The following CNDP1 variants were observed in gnomAD, a reference collection of about 807,000 sequenced individuals.
CNDP1 encodes the protein beta-Ala-His dipeptidase.
CNDP1 carries 44 observed loss-of-function variants against 58.1 expected under a neutral mutation model. The observed-to-expected ratio is 0.76, with a 90% CI of 0.60 to 0.97. The LOEUF (loss-of-function observed/expected upper bound fraction) is 0.97. Ranked by LOEUF, CNDP1 falls within the 50% of genes least tolerant of loss-of-function variation. The pLI, the probability that CNDP1 is intolerant of heterozygous loss-of-function variation, is 0.00. For missense variants in CNDP1, 616 were observed against 655.1 expected (o/e 0.94, Z 0.65); for synonymous variants, 254 against 252.6 (o/e 1.01, Z -0.05).
At chr18:74,571,799 C>T (rs1237705891) in intron 7 of CNDP1, among the ~76,000 whole-genome samples, 2 of 152,190 alleles carry the variant, frequency 1.3e-5, no homozygotes, top group South Asian at 2.1e-4. Flanking sequence ...CTGGCCCTTC[C>T]GCAGACCAGC....
intron 5 of CNDP1, among the ~76,000 whole-genome samples, chr18:74,564,682 T>C (rs1054292120): frequency 3.3e-5 from 5 of 152,222 alleles, no homozygotes; most frequent in Non-Finnish European, 7.3e-5. Context: ...CTCTGTAGTA[T>C]AGAATTTGCT....
At chr18:74,576,804 C>T (rs1981646451) in intron 7 of CNDP1, 65 bp from the exon 8 acceptor site, 3 of 1,482,396 alleles carry the variant, frequency 2.0e-6, no homozygotes, top group African/African-American at 1.4e-5. Flanking sequence ...CACAGTCTGG[C>T]TCCAGGACCA....
At chr18:74,556,311 C>A in intron 1 of CNDP1, 27 bp from the exon 2 acceptor site, 1 of 1,602,020 alleles carries the variant, frequency 6.2e-7, no homozygotes, top group South Asian at 1.1e-5. Context: ...GATTTTCATT[C>A]GTTCCTCCCA....
In CNDP1 at chr18:74,547,653, A is replaced by G. The variant is rs141331842; in HGVS notation, c.25-8685A>G. On this transcript the variant is annotated intron_variant, in intron 1 of 11. Transcript: ENST00000358821. Reference sequence around the variant, plus strand: ...GGCATGCAACTCTCCAGTTGTTAGCAAGAGCTAGGAGGGAGGTGGAGGCGA... The same window carrying G: ...GGCATGCAACTCTCCAGTTGTTAGCGAGAGCTAGGAGGGAGGTGGAGGCGA... Among the ~76,000 whole-genome samples, 1,476 of 152,290 alleles carry G rather than the reference A, an allele frequency of 9.7e-3. 21 individuals carry two copies. Among genetic ancestry groups the G allele is most frequent in the African/African-American group, 0.031 (1,308 of 41,532 alleles).
intron 9 of CNDP1, among the ~76,000 whole-genome samples, chr18:74,579,160 T>TG (rs1318605804): frequency 3.4e-4 from 48 of 139,680 alleles, no homozygotes; most frequent in Middle Eastern, 7.2e-3. Context: ...CCCTCTCTCC[T>TG]CCCTCTCTCC....
At chr18:74,539,192 C>G (rs200182511) in intron 1 of CNDP1, among the ~76,000 whole-genome samples, 1 of 134,496 alleles carries the variant, frequency 7.4e-6, no homozygotes, top group Non-Finnish European at 1.6e-5. Context: ...AAAAAAAAAG[C>G]CTTCCCTATC....
At chr18:74,578,349 A>G in intron 9 of CNDP1, 22 bp downstream of exon 9, 1 of 1,587,282 alleles carries the variant, frequency 6.3e-7, no homozygotes, top group Non-Finnish European at 8.6e-7. Context: ...TTATTGTGAC[A>G]ATAACATGTT....
chr18:74,576,674 T>C, intron 7 of CNDP1, 195 bp from the exon 8 acceptor site: 1 of 482,294 alleles, frequency 2.1e-6, no homozygotes, highest in South Asian at 4.4e-5. Context: ...TCCAGCTGCG[T>C]GATCCTGGTG....
intron 7 of CNDP1, among the ~76,000 whole-genome samples, chr18:74,575,706 GTCTT>G (rs10533212): frequency 0.64 from 96,223 of 151,128 alleles, 31,241 homozygotes; most frequent in African/African-American, 0.76. Context: ...TTAAAAATGA[GTCTT>G]TATTATAATA....
intron 11 of CNDP1, chr18:74,584,034 T>A (rs1245221289): frequency 3.1e-6 from 1 of 326,488 alleles, no homozygotes; most frequent in Non-Finnish European, 5.7e-6. Flanking sequence ...TTAACCTTTA[T>A]TATCTCCTCC....
chr18:74,580,040 T>C (rs1050800147), intron 9 of CNDP1, 90 bp from the exon 10 acceptor site: 2 of 1,135,746 alleles, frequency 1.8e-6, no homozygotes, highest in Non-Finnish European at 2.6e-6. Context: ...ATATTAACTG[T>C]ACTAATCAGT....
intron 5 of CNDP1, among the ~76,000 whole-genome samples, chr18:74,563,318 G>T (rs1165274073): frequency 6.6e-6 from 1 of 151,862 alleles, no homozygotes; most frequent in African/African-American, 2.4e-5. Context: ...CTGAGCATTC[G>T]ATGTGGCCTT....
At chr18:74,553,216 A>T (rs1366162110) in intron 1 of CNDP1, among the ~76,000 whole-genome samples, 1 of 152,144 alleles carries the variant, frequency 6.6e-6, no homozygotes, top group Non-Finnish European at 1.5e-5. Flanking sequence ...CTCCCCCCAC[A>T]TTCTACGTGT....
At chr18:74,563,317 C>T (rs1350347414) in intron 5 of CNDP1, among the ~76,000 whole-genome samples, 3 of 152,134 alleles carry the variant, frequency 2.0e-5, no homozygotes, top group Non-Finnish European at 4.4e-5. Context: ...CCTGAGCATT[C>T]GATGTGGCCT....
chr18:74,550,514 T>G (rs1335859034), intron 1 of CNDP1, among the ~76,000 whole-genome samples: 2 of 152,112 alleles, frequency 1.3e-5, no homozygotes, highest in East Asian at 3.9e-4. Context: ...GATTTTGGAC[T>G]TGGGAGTTTG....
In CNDP1 at chr18:74,583,636, A is replaced by T; in HGVS notation, c.1385A>T (p.His462Leu). 6.2e-7 allele frequency: 1 copy of T among 1,614,192 alleles called. No individual in the cohort carries two copies. The highest frequency in any genetic ancestry group is 8.5e-7 in the Non-Finnish European group (1 of 1,180,016). ...PIAKMFQEIVHKSVVLIPLGA... is the reference protein window; with the variant it reads ...PIAKMFQEIVLKSVVLIPLGA... ...GCCAAAATGTTCCAGGAGATCGTCC[A>T]CAAGAGCGTGGTGCTAATTCCGCTG... The change falls in exon 11 of 12, where the codon CAC (histidine) becomes CTC (leucine). Residue 462 changes from histidine (H) to leucine (L), a missense_variant. Physicochemically the swap from His to Leu is moderately conservative, Grantham distance 99. Transcript: ENST00000358821.
chr18:74,579,326 C>T (rs1370927829), intron 9 of CNDP1, among the ~76,000 whole-genome samples: 4 of 144,556 alleles, frequency 2.8e-5, no homozygotes, highest in East Asian at 2.1e-4. Context: ...CTTCCCCTCC[C>T]CTCTCCATCC....
chr18:74,560,708 A>T, intron 3 of CNDP1, 148 bp from the exon 4 acceptor site: 1 of 771,860 alleles, frequency 1.3e-6, no homozygotes, highest in African/African-American at 1.7e-5. Context: ...AAAGAAAAAA[A>T]AAGTGTTTCA....
rs1452801480 is a variant in CNDP1, at chr18:74,581,536, T to C, written c.1309+1265T>C. 4.6e-5 allele frequency among the ~76,000 whole-genome samples: 7 copies of C among 152,142 alleles called. No homozygotes were observed. In the East Asian group the frequency reaches 1.2e-3, roughly 25 times the overall value. The stretch of plus-strand genomic sequence containing the variant: ...GCAAAACACATGAGAAACCCAGTTC[T>C]GGTGTTTCTGACCCTCAAGCCAGTG... On this transcript the variant is annotated intron_variant, in intron 10 of 11. Coordinates refer to ENST00000358821, the MANE Select transcript of CNDP1 (RefSeq NM_032649.6).
Sources: gnomAD v4.1 joint callset for allele counts (sites outside exome capture counted in the v4.1 genomes callset) on GRCh38, gnomAD v4.1.1 for gene constraint, MANE v1.5 for transcripts, NCBI Gene and HGNC (gene_info 2026-07-23, HGNC 2026-07-21) for gene names.